XKR4: variants seen among roughly 807,000 people sequenced by gnomAD.
XKR4 encodes XK related 4, also known as XK-related protein 4.
Under a neutral mutation model 53.9 loss-of-function variants are expected in XKR4, and 12 were observed. The observed-to-expected ratio is 0.22, with a 90% CI of 0.14 to 0.36. The LOEUF (loss-of-function observed/expected upper bound fraction) is 0.36. Ranked by LOEUF, XKR4 falls within the 10% of genes least tolerant of loss-of-function variation. The pLI, the probability that XKR4 is intolerant of heterozygous loss-of-function variation, is 1.00. For synonymous variants in XKR4, 354 were observed against 362.4 expected (o/e 0.98, Z 0.26); for missense variants, 799 against 859.5 (o/e 0.93, Z 0.88).
At chr8:55,468,680 T>C (rs1294764434) in intron 2 of XKR4, among the ~76,000 whole-genome samples, 2 of 152,102 alleles carry the variant, frequency 1.3e-5, no homozygotes, top group African/African-American at 2.4e-5. Context: ...AGGATATAAG[T>C]TTCTTAAACC....
chr8:55,518,074 G>A (rs370820025), intron 2 of XKR4, among the ~76,000 whole-genome samples: 9 of 152,148 alleles, frequency 5.9e-5, no homozygotes, highest in Non-Finnish European at 7.3e-5. Flanking sequence ...CATTCTCTTC[G>A]TGGAAGAATC....
At chr8:55,365,433 G>A (rs142953372) in intron 2 of XKR4, among the ~76,000 whole-genome samples, 205 of 152,298 alleles carry the variant, frequency 1.3e-3, no homozygotes, top group African/African-American at 4.6e-3. Flanking sequence ...GGCTGGACGC[G>A]GTGACTCACG....
At chr8:55,476,905 T>A (rs970558407) in intron 2 of XKR4, among the ~76,000 whole-genome samples, 1 of 152,110 alleles carries the variant, frequency 6.6e-6, no homozygotes, top group African/African-American at 2.4e-5. Flanking sequence ...AAGCTCGAAC[T>A]GGGTGGAGCC....
intron 1 of XKR4, among the ~76,000 whole-genome samples, chr8:55,323,854 C>T (rs1803252980): frequency 6.6e-6 from 1 of 152,120 alleles, no homozygotes; most frequent in Non-Finnish European, 1.5e-5. Flanking sequence ...AGTTCACTGA[C>T]TTCTCTATTA....
At chr8:55,337,581 G>C (rs1304402771) in intron 1 of XKR4, among the ~76,000 whole-genome samples, 2 of 152,208 alleles carry the variant, frequency 1.3e-5, no homozygotes, top group Non-Finnish European at 1.5e-5. Flanking sequence ...TAACAACTGA[G>C]GTGGAGGAAA....
intron 1 of XKR4, among the ~76,000 whole-genome samples, chr8:55,251,243 C>A (rs1310141494): frequency 6.6e-6 from 1 of 152,166 alleles, no homozygotes; most frequent in Non-Finnish European, 1.5e-5. Context: ...GGTAAGAATA[C>A]AGTCCTTTTC....
At chr8:55,334,438 G>A (rs549069104) in intron 1 of XKR4, among the ~76,000 whole-genome samples, 3 of 152,224 alleles carry the variant, frequency 2.0e-5, no homozygotes, top group African/African-American at 7.2e-5. Context: ...GGCCCTCAGA[G>A]CAGCAGGATC....
intron 2 of XKR4, among the ~76,000 whole-genome samples, chr8:55,507,981 C>T (rs1437181620): frequency 1.3e-5 from 2 of 152,090 alleles, no homozygotes; most frequent in Non-Finnish European, 2.9e-5. Flanking sequence ...TAAAAGTGTT[C>T]CTATTTCTGC....
chr8:55,357,688 A>G lies in XKR4; in HGVS notation c.817A>G (p.Thr273Ala). Residue 273 changes from threonine to alanine, a missense_variant, in exon 2 of 3, where the codon ACA becomes GCA. By Grantham distance (58) the Thr-to-Ala change is moderately conservative (BLOSUM62 0). Around this residue, in one of 3 missense-constraint regions of XKR4, gnomAD observed 476 missense variants for 505.4 expected, o/e 0.94. Transcript: ENST00000327381. ...QLGQIWRYFH[T>A]IYLGIRSRQS... Reference sequence around the variant, plus strand: ...ATGTTTTCTTTCTAGATATTTCCACACAATATACTTAGGTATTCGAAGCCG... The same window carrying G: ...ATGTTTTCTTTCTAGATATTTCCACGCAATATACTTAGGTATTCGAAGCCG... 1 of 1,614,172 alleles carries G rather than the reference A, an allele frequency of 6.2e-7. No homozygotes were observed.
At chr8:55,113,088 A>G (rs1294216593) in intron 1 of XKR4, among the ~76,000 whole-genome samples, 1 of 152,128 alleles carries the variant, frequency 6.6e-6, no homozygotes, top group Non-Finnish European at 1.5e-5. Flanking sequence ...AAGCACCAAT[A>G]TTAGTTGAGT....
chr8:55,296,987 G>A (rs1819110464), intron 1 of XKR4, among the ~76,000 whole-genome samples: 1 of 152,158 alleles, frequency 6.6e-6, no homozygotes, highest in African/African-American at 2.4e-5. Context: ...CTTAACGATT[G>A]AGGGTCTCTA....
intron 2 of XKR4, among the ~76,000 whole-genome samples, chr8:55,497,692 G>A (rs1189455138): frequency 6.6e-6 from 1 of 152,204 alleles, no homozygotes; most frequent in African/African-American, 2.4e-5. Context: ...AATGTGCAAT[G>A]TATATTTCTC....
At chr8:55,257,576 G>A (rs529376598) in intron 1 of XKR4, among the ~76,000 whole-genome samples, 1 of 152,218 alleles carries the variant, frequency 6.6e-6, no homozygotes, top group South Asian at 2.1e-4. Context: ...CCCTATAGCA[G>A]TATGTTTCCT....
chr8:55,541,601 GGT>G lies in XKR4; in HGVS notation c.*17377_*17378del, dbSNP rs1418406857. 1 of 152,128 alleles carries G rather than the reference GGT, an allele frequency of 6.6e-6. No individual in the cohort carries two copies. Among genetic ancestry groups the G allele is most frequent in the African/African-American group, 2.4e-5 (1 of 41,414 alleles). 9.4% of individuals were successfully genotyped at this position (152,128 alleles called of 1,614,324 possible). ...GACCCCACGAGTGTGCGTAGGGAAC[GGT>G]GTAGACATTTCCCCCAGTATGAGCA... is the stretch of plus-strand genomic sequence containing the variant. On this transcript the variant is annotated 3_prime_UTR_variant, in exon 3 of 3. Transcript: ENST00000327381.
intron 1 of XKR4, among the ~76,000 whole-genome samples, chr8:55,222,263 G>A (rs1466233226): frequency 1.3e-5 from 2 of 152,194 alleles, no homozygotes; most frequent in South Asian, 2.1e-4. Flanking sequence ...TGTGGGCGAT[G>A]TTCTCTAATA....
At chr8:55,293,189 G>T (rs1291605174) in intron 1 of XKR4, among the ~76,000 whole-genome samples, 2 of 152,112 alleles carry the variant, frequency 1.3e-5, no homozygotes, top group Non-Finnish European at 2.9e-5. Flanking sequence ...ACAAAAATTA[G>T]CTGGGAGTGA....
intron 2 of XKR4, among the ~76,000 whole-genome samples, chr8:55,397,887 A>T (rs1041783489): frequency 2.6e-5 from 4 of 152,108 alleles, no homozygotes; most frequent in South Asian, 4.1e-4. Flanking sequence ...GCCACTCATC[A>T]TCCCTGAGGG....
chr8:55,160,774 G>C (rs1022835892), intron 1 of XKR4, among the ~76,000 whole-genome samples: 2 of 152,176 alleles, frequency 1.3e-5, no homozygotes, highest in African/African-American at 4.8e-5. Context: ...ACTAGTCTGA[G>C]CTGCTTAAGA....
intron 2 of XKR4, among the ~76,000 whole-genome samples, chr8:55,442,857 GT>G (rs1295527589): frequency 3.3e-5 from 5 of 151,862 alleles, no homozygotes; most frequent in South Asian, 2.1e-4. Flanking sequence ...TAGAAATGTG[GT>G]TTTTTTTGCA....
Sources: gnomAD v4.1 joint callset for allele counts (sites outside exome capture counted in the v4.1 genomes callset) on GRCh38, gnomAD v4.1.1 for gene constraint, gnomAD v4.1.1 regional missense constraint, MANE v1.5 for transcripts, NCBI Gene and HGNC (gene_info 2026-07-23, HGNC 2026-07-21) for gene names.